ACY3: variants seen among roughly 807,000 people sequenced by gnomAD.
ACY3 encodes the protein N-acyl-aromatic-L-amino acid amidohydrolase (carboxylate-forming).
A neutral mutation model predicts 24.6 loss-of-function variants in ACY3; 20 were observed. The observed-to-expected ratio is 0.81, with a 90% CI of 0.57 to 1.18. The LOEUF (loss-of-function observed/expected upper bound fraction) is 1.18. Among genes scored for constraint, ACY3 ranks in the 50% most tolerant of loss-of-function variants. The pLI is 0.00. For synonymous variants in ACY3, 174 were observed against 188.4 expected (o/e 0.92, Z 0.62); for missense variants, 423 against 426.8 (o/e 0.99, Z 0.08).
intron 3 of ACY3, among the ~76,000 whole-genome samples, chr11:67,646,125 C>A (rs1855513469): frequency 6.6e-6 from 1 of 152,222 alleles, no homozygotes; most frequent in South Asian, 2.1e-4. Context: ...CACTTGCCTG[C>A]CTCTCATGCC....
At chr11:67,645,533 C>CTATTCACCCA in intron 4 of ACY3, among the ~76,000 whole-genome samples, 153 bp from the exon 5 acceptor site, 1 of 152,234 alleles carries the variant, frequency 6.6e-6, no homozygotes, top group East Asian at 1.9e-4. Flanking sequence ...GTACCGGGGG[C>CTATTCACCCA]CTGGAGTGCT....
intron 3 of ACY3, among the ~76,000 whole-genome samples, chr11:67,646,478 G>A (rs1277275096): frequency 6.6e-6 from 1 of 152,242 alleles, no homozygotes; most frequent in African/African-American, 2.4e-5. Context: ...ATAGGATGCA[G>A]TGACTATTCA....
rs1855530583 is a variant in ACY3, at chr11:67,646,987, GC to G, written c.56del (p.Gly19AlafsTer72). On this transcript the variant is annotated frameshift_variant, in exon 3 of 8. Transcript: ENST00000255082. LOFTEE classifies it high-confidence loss of function. ...EPLRRVAVTGGTHGNEMSGVY... is the reference protein window; with the variant it reads ...EPLRRVAVTGXTHGNEMSGVY... ...CGCCCGACATCTCGTTGCCATGCGT[GC>G]CCCCAGTCACAGCCACGCGACGCAG... 4 of 1,567,020 alleles carry G rather than the reference GC, an allele frequency of 2.6e-6. No individual in the cohort carries two copies. Among genetic ancestry groups the G allele is most frequent in the Middle Eastern group, 1.7e-4 (1 of 5,970 alleles).
At chr11:67,649,025 G>C (rs547977401) in intron 1 of ACY3, among the ~76,000 whole-genome samples, 15 of 152,100 alleles carry the variant, frequency 9.9e-5, no homozygotes, top group Admixed American at 3.3e-4. Context: ...TCCTGTATCC[G>C]GCCCAGCCCT....
intron 1 of ACY3, among the ~76,000 whole-genome samples, chr11:67,648,098 C>A (rs1488954288): frequency 6.6e-6 from 1 of 152,182 alleles, no homozygotes; most frequent in Middle Eastern, 3.2e-3. Flanking sequence ...AATGTTTGAT[C>A]CGGGATTTCA....
chr11:67,647,255 G>A (rs1238859737), intron 2 of ACY3, among the ~76,000 whole-genome samples, 192 bp from the exon 3 acceptor site: 1 of 152,172 alleles, frequency 6.6e-6, no homozygotes, highest in Non-Finnish European at 1.5e-5. Context: ...TGCTCCTTTG[G>A]AGAAAAGAAG....
At position 67,642,836 on chromosome 11, in the gene ACY3, A is replaced by G. The variant is rs764559224; in HGVS notation, c.848T>C (p.Ile283Thr). 5.0e-6 allele frequency: 8 copies of G among 1,614,138 alleles called. No homozygotes were observed. In the African/African-American group the frequency reaches 5.3e-5, roughly 11 times the overall value. ...CTTCTCATAGTAGGCAGCCTCGTTA[A>G]TGAACACGGGGTACACCGTGGACTC... ...EGESTVYPVF[I>T]NEAAYYEKGV... is the part of the protein sequence containing the mutation. Residue 283 changes from isoleucine to threonine, a missense_variant, in exon 8 of 8, where the codon ATT (isoleucine) becomes ACT (threonine). Transcript: ENST00000255082.
At position 67,644,830 on chromosome 11, in the gene ACY3, G is replaced by A. The variant is rs1855479356; in HGVS notation, c.674C>T (p.Pro225Leu). The A allele has an allele frequency of 6.3e-7, 1 of 1,586,212 alleles. No individual in the cohort carries two copies. The highest frequency in any genetic ancestry group is 1.8e-5 in the Admixed American group (1 of 54,862). Residue 225 changes from proline (P) to leucine (L), a missense_variant, in exon 7 of 8, where the codon CCC (proline) becomes CTC (leucine). Coordinates refer to ENST00000255082, the MANE Select transcript of ACY3 (RefSeq NM_080658.2). ...FPAFEMEAYRPVGVVDFPRTE... is the reference protein window; with the variant it reads ...FPAFEMEAYRLVGVVDFPRTE... Reference sequence around the variant, plus strand: ...GCGGGGGAAGTCCACGACGCCCACGGGTCTATAGGCTTCCATCTCAAAGGC... The same window carrying A: ...GCGGGGGAAGTCCACGACGCCCACGAGTCTATAGGCTTCCATCTCAAAGGC...
intron 2 of ACY3, 121 bp from the exon 3 acceptor site, chr11:67,647,184 G>C: frequency 1.5e-6 from 1 of 678,888 alleles, no homozygotes; most frequent in Non-Finnish European, 2.4e-6. Flanking sequence ...ACAGCTGGGA[G>C]TGTCTCAGCT....
intron 1 of ACY3, among the ~76,000 whole-genome samples, chr11:67,649,386 G>A (rs1168489030): frequency 2.6e-5 from 4 of 152,210 alleles, no homozygotes; most frequent in Non-Finnish European, 5.9e-5. Flanking sequence ...GGGCCCCCAA[G>A]TTTAGGGAGA....
At chr11:67,650,518 C>G (rs1161300643) in intron 1 of ACY3, 65 bp downstream of exon 1, 1 of 152,230 alleles carries the variant, frequency 6.6e-6, no homozygotes, top group Non-Finnish European at 1.5e-5. Context: ...GGATTCTGAT[C>G]CTAACTTCTT....
chr11:67,646,761 A>G, intron 3 of ACY3, 47 bp downstream of exon 3: 2 of 1,568,838 alleles, frequency 1.3e-6, no homozygotes, highest in Non-Finnish European at 1.7e-6. Context: ...TGTGGTGGGG[A>G]CTCGGTGCCC....
chr11:67,645,526 C>T, intron 4 of ACY3, 146 bp from the exon 5 acceptor site: 23 of 1,223,660 alleles, frequency 1.9e-5, no homozygotes, highest in Non-Finnish European at 2.6e-5. Flanking sequence ...GGAGGGGGTA[C>T]CGGGGGCCTG....
In ACY3 at chr11:67,642,900, A is replaced by G; in HGVS notation, c.784T>C (p.Phe262Leu). 1 of 1,614,010 alleles carries G rather than the reference A, an allele frequency of 6.2e-7. No homozygotes were observed. The stretch of plus-strand genomic sequence containing the variant: ...AGGTCCTCCCCACTGAACATCTGGA[A>G]GATGGGAGCACCAGGCTGCAGTGGC... ...FQPLQPGAPI[F>L]QMFSGEDLLY... The change falls in exon 8 of 8, where the codon TTC (phenylalanine) becomes CTC (leucine). Residue 262 changes from phenylalanine to leucine, a missense_variant. Physicochemically the swap from Phe to Leu is conservative, Grantham distance 22. Coordinates refer to ENST00000255082, the MANE Select transcript of ACY3 (RefSeq NM_080658.2).
At position 67,645,154 on chromosome 11, in the gene ACY3, T is replaced by C. The variant is rs772819866; in HGVS notation, c.527-2A>G. 1.9e-6 allele frequency: 3 copies of C among 1,611,402 alleles called. No individual in the cohort carries two copies. The highest frequency in any genetic ancestry group is 1.7e-6 in the Non-Finnish European group (2 of 1,179,032). On this transcript the variant is annotated splice_acceptor_variant, in intron 5 of 7. Coordinates refer to ENST00000255082, the MANE Select transcript of ACY3 (RefSeq NM_080658.2). LOFTEE classifies it high-confidence loss of function. ...GTGGCTGGGGGCCCAGCTCCAGACC[T>C]GGGGACCAGGAAGCAAGGGGTTAGG...
At chr11:67,647,093 G>A in intron 2 of ACY3, 30 bp from the exon 3 acceptor site, 1 of 1,414,920 alleles carries the variant, frequency 7.1e-7, no homozygotes, top group Non-Finnish European at 9.3e-7. Context: ...GGAGACCCTG[G>A]CCCCGATGCA....
intron 3 of ACY3, 134 bp downstream of exon 3, chr11:67,646,674 G>T: frequency 1.1e-6 from 1 of 880,538 alleles, no homozygotes; most frequent in Non-Finnish European, 1.8e-6. Context: ...TTGTCCCGTG[G>T]AGGAATGGGC....
Position 67,642,760 on chromosome 11 carries a change from C to A in ACY3, c.924G>T (p.Met308Ile). 1 of 1,614,132 alleles carries A rather than the reference C, an allele frequency of 6.2e-7. No individual in the cohort carries two copies. Among genetic ancestry groups the A allele is most frequent in the Admixed American group, 1.7e-5 (1 of 60,018 alleles). The change falls in exon 8 of 8, where the codon ATG becomes ATT. Residue 308 changes from methionine to isoleucine, a missense_variant. By Grantham distance (10) the Met-to-Ile change is conservative. Transcript: ENST00000255082. ...GGCTCGGGGCAGGGGTCAGCGCGGG[C>A]ATGGCAGGCACGGTGAATGTGAACT... is the stretch of plus-strand genomic sequence containing the variant. ...TEKFTFTVPA[M>I]PALTPAPSPA...
chr11:67,643,496 G>A (rs1178386632), intron 7 of ACY3, among the ~76,000 whole-genome samples: 1 of 152,050 alleles, frequency 6.6e-6, no homozygotes, highest in South Asian at 2.1e-4. Context: ...TGGCCAACAT[G>A]GTGAAATTTC....
Sources: allele counts gnomAD v4.1 joint callset (sites outside exome capture counted in the v4.1 genomes callset), GRCh38; gene constraint gnomAD v4.1.1; transcripts MANE v1.5; gene names NCBI Gene and HGNC (gene_info 2026-07-23, HGNC 2026-07-21).